The following IQSEC2 variants were observed in gnomAD, a reference collection of about 807,000 sequenced individuals.
IQSEC2 encodes IQ motif and Sec7 domain ArfGEF 2, also known as IQ motif and SEC7 domain-containing protein 2.
Under a neutral mutation model 74.6 loss-of-function variants are expected in IQSEC2, and 6 were observed. The observed-to-expected ratio is 0.08, with a 90% CI of 0.04 to 0.16. The LOEUF is 0.16. IQSEC2 is among the 10% of genes least tolerant of loss of function. The probability of loss-of-function intolerance (pLI) is 1.00; values close to 1 mark genes in which losing one functional copy is unlikely to be tolerated. For missense variants in IQSEC2, 734 were observed against 1,306.2 expected (o/e 0.56, Z 6.75); for synonymous variants, 494 against 544.5 (o/e 0.91, Z 1.29).
chrX:53,253,753 C>T (rs1388644031), intron 4 of IQSEC2, among the ~76,000 whole-genome samples: 2 of 111,332 alleles, frequency 1.8e-5, no homozygotes, highest in Non-Finnish European at 3.8e-5. Flanking sequence ...TTCCCACTGC[C>T]CTGGGATCCT....
At chrX:53,257,102 G>C (rs782360549) in intron 2 of IQSEC2, among the ~76,000 whole-genome samples, 4 of 112,122 alleles carry the variant, frequency 3.6e-5, no homozygotes, top group African/African-American at 9.7e-5. Flanking sequence ...GCTGTGGGGG[G>C]AATGGGTGTG....
At chrX:53,241,571 C>A (rs1391163673) in intron 10 of IQSEC2, among the ~76,000 whole-genome samples, 1 of 111,863 alleles carries the variant, frequency 8.9e-6, no homozygotes, top group Non-Finnish European at 1.9e-5. Flanking sequence ...TATTTTCTGT[C>A]CCTGTGTGTC....
chrX:53,317,754 C>T (rs1435198156), intron 1 of IQSEC2, among the ~76,000 whole-genome samples: 1 of 112,735 alleles, frequency 8.9e-6, no homozygotes, highest in Non-Finnish European at 1.9e-5. Flanking sequence ...TCCCACCCTG[C>T]CTGCCCTCGC....
intron 8 of IQSEC2, among the ~76,000 whole-genome samples, chrX:53,246,479 T>C (rs1218238593): frequency 6.3e-5 from 7 of 111,979 alleles, no homozygotes; most frequent in South Asian, 3.7e-4. Flanking sequence ...TTCCCCTCCA[T>C]TGTCCTTGGC....
chrX:53,291,618 C>T (rs2075100888), intron 2 of IQSEC2, among the ~76,000 whole-genome samples: 2 of 111,280 alleles, frequency 1.8e-5, no homozygotes, highest in South Asian at 3.8e-4. Flanking sequence ...GCTTTCATAT[C>T]TGGGCAGCTC....
chrX:53,227,642 A>G (rs1166320630), downstream of IQSEC2: 12 of 306,983 alleles, frequency 3.9e-5, no homozygotes, highest in Non-Finnish European at 4.6e-5. Flanking sequence ...TGGAAGAAAC[A>G]GATGAAAAGG....
At chrX:53,266,510 C>G (rs1230166584) in intron 2 of IQSEC2, 1 of 757,966 alleles carries the variant, frequency 1.3e-6, no homozygotes, top group Non-Finnish European at 1.6e-6. Context: ...CGACAGGGAA[C>G]TAGGCAGGCT....
Position 53,316,560 on chromosome X carries a change from C to T in IQSEC2, c.707+3857G>A, listed in dbSNP as rs781791299. On this transcript the variant is annotated intron_variant, in intron 1 of 14. Transcript: ENST00000642864. ...GTCAAGAATACCACGTTGGGCCGGG[C>T]GTGGTGGCTCAGCACTTTGGGACGC... 2.7e-5 allele frequency among the ~76,000 whole-genome samples: 3 copies of T among 111,177 alleles called. 1 individual carries two copies. Among genetic ancestry groups the T allele is most frequent in the East Asian group, 5.7e-4 (2 of 3,505 alleles).
At chrX:53,289,739 C>T (rs1379174017) in intron 2 of IQSEC2, among the ~76,000 whole-genome samples, 2 of 111,525 alleles carry the variant, frequency 1.8e-5, no homozygotes, top group African/African-American at 6.5e-5. Context: ...CCCTCGCTTC[C>T]CAGATGCTGA....
In IQSEC2 at chrX:53,274,898, T is replaced by C. The variant is rs181142857; in HGVS notation, c.737+16997A>G. ...AATGGGTTTTGTATCTTTTTCTTAC[T>C]AGTTTCCAGAAGGTGATATAGATAT... On this transcript the variant is annotated intron_variant, in intron 2 of 14. Transcript: ENST00000642864. 4.7e-4 allele frequency among the ~76,000 whole-genome samples: 53 copies of C among 111,830 alleles called. No homozygotes were observed. The East Asian group carries it at 0.014, about 29-fold the overall frequency.
intron 2 of IQSEC2, chrX:53,279,695 A>G (rs1556870365): frequency 1.1e-6 from 1 of 914,034 alleles, no homozygotes; most frequent in East Asian, 3.1e-5. Flanking sequence ...AGACAGAGAG[A>G]GAGACAGGGA....
intron 2 of IQSEC2, among the ~76,000 whole-genome samples, chrX:53,270,654 T>G (rs186195764): frequency 1.9e-3 from 218 of 112,448 alleles, no homozygotes; most frequent in African/African-American, 6.9e-3. Context: ...TCTCACTCAC[T>G]GTAAGATCCA....
intron 2 of IQSEC2, among the ~76,000 whole-genome samples, chrX:53,289,885 T>A (rs1437519911): frequency 8.9e-6 from 1 of 111,986 alleles, no homozygotes; most frequent in Non-Finnish European, 1.9e-5. Context: ...CTTCTCCTCA[T>A]CTGTAAATCA....
chrX:53,317,064 AGCACT>A, intron 1 of IQSEC2, among the ~76,000 whole-genome samples: 1 of 110,861 alleles, frequency 9.0e-6, no homozygotes, highest in East Asian at 2.8e-4. Flanking sequence ...AGGGGCCCCT[AGCACT>A]CCTATATATC....
chrX:53,290,106 T>A (rs1277368406), intron 2 of IQSEC2, among the ~76,000 whole-genome samples: 1 of 111,399 alleles, frequency 9.0e-6, no homozygotes. Flanking sequence ...AGACTTGGGT[T>A]TGAATCCTGG....
Position 53,238,230 on chromosome X carries a change from G to A in IQSEC2, c.3192C>T (p.Pro1064=). Residue 1064 remains proline (P), a synonymous_variant, in exon 12 of 15, where the codon CCC becomes CCT. Transcript: ENST00000642864. ...TAAAGCGCAGCCGGTCCTGGAGGCT[G>A]GGGGCATTGAAGATGATGAGGACTT... ...ERKVLIIFNA[P]SLQDRLRFTS... The A allele has an allele frequency of 8.3e-7, 1 of 1,210,438 alleles. No homozygotes were observed. Among genetic ancestry groups the A allele is most frequent in the Non-Finnish European group, 1.1e-6 (1 of 894,712 alleles).
chrX:53,271,162 C>G (rs1172266542), intron 2 of IQSEC2, among the ~76,000 whole-genome samples: 1 of 111,906 alleles, frequency 8.9e-6, no homozygotes, highest in Non-Finnish European at 1.9e-5. Context: ...CCTTTGCGGA[C>G]ACTGTCAGCA....
At chrX:53,256,181 A>G in intron 2 of IQSEC2, 120 bp from the exon 3 acceptor site, 1 of 708,847 alleles carries the variant, frequency 1.4e-6, no homozygotes, top group Non-Finnish European at 2.0e-6. Flanking sequence ...GCTTCCTCAC[A>G]GATATAGGGA....
At chrX:53,307,362 G>A (rs1255283174) in intron 1 of IQSEC2, among the ~76,000 whole-genome samples, 2 of 87,010 alleles carry the variant, frequency 2.3e-5, no homozygotes, top group Non-Finnish European at 4.3e-5. Flanking sequence ...GGCTGGTCTC[G>A]AACTTCTGGG....
Sources: allele counts gnomAD v4.1 joint callset (sites outside exome capture counted in the v4.1 genomes callset), GRCh38; gene constraint gnomAD v4.1.1; transcripts MANE v1.5; gene names NCBI Gene and HGNC (gene_info 2026-07-23, HGNC 2026-07-21).